CARS1: variants seen among roughly 807,000 people sequenced by gnomAD.
CARS1 encodes cysteinyl-tRNA synthetase 1, also known as cysteine--tRNA ligase, cytoplasmic.
A neutral mutation model predicts 106.2 loss-of-function variants in CARS1; 48 were observed. That is an observed-to-expected ratio of 0.45 (90% CI 0.36 to 0.57). The LOEUF (loss-of-function observed/expected upper bound fraction) is 0.57, where lower values mean the gene tolerates loss of function less well. CARS1 is among the 20% of genes least tolerant of loss of function. The pLI is 0.00. For synonymous variants in CARS1, 409 were observed against 403.4 expected (o/e 1.01, Z -0.17); for missense variants, 968 against 1,057.2 (o/e 0.92, Z 1.17).
At chr11:3,033,934 T>G (rs1853227682) in intron 7 of CARS1, among the ~76,000 whole-genome samples, 1 of 152,156 alleles carries the variant, frequency 6.6e-6, no homozygotes, top group Non-Finnish European at 1.5e-5. Flanking sequence ...TTTTATAAAT[T>G]TTTTAAATTT....
intron 18 of CARS1, chr11:3,007,727 C>T (rs2134096114): frequency 7.7e-6 from 1 of 129,982 alleles, no homozygotes; most frequent in Admixed American, 7.4e-5. Flanking sequence ...GCTTGGAAAC[C>T]CATGTGTCTG....
chr11:3,051,357 G>T (rs187503999), intron 1 of CARS1, among the ~76,000 whole-genome samples: 19 of 152,270 alleles, frequency 1.2e-4, no homozygotes, highest in Admixed American at 5.2e-4. Flanking sequence ...ACAGTTACAG[G>T]CCCAGTGTCA....
chr11:3,010,392 A>G (rs1156340104), intron 18 of CARS1, among the ~76,000 whole-genome samples: 1 of 152,252 alleles, frequency 6.6e-6, no homozygotes, highest in Non-Finnish European at 1.5e-5. Flanking sequence ...CCACGACCCC[A>G]GCGATGCCGC....
chr11:3,016,999 C>CA (rs767314060), intron 16 of CARS1, 107 bp downstream of exon 16: 55 of 880,930 alleles, frequency 6.2e-5, no homozygotes, highest in Non-Finnish European at 9.3e-5. Flanking sequence ...TGCTGGGCAC[C>CA]AGGCACAGCA....
chr11:3,048,140 C>G lies in CARS1; in HGVS notation c.26-139G>C. Reference sequence around the variant, plus strand: ...TTCCCTGGACGCCAAACATCCAGAACAGGCAAAGGCACAGGGGCAGCGCTT... The same window carrying G: ...TTCCCTGGACGCCAAACATCCAGAAGAGGCAAAGGCACAGGGGCAGCGCTT... On this transcript the variant is annotated intron_variant, in intron 1 of 22. Transcript: ENST00000380525. The surrounding 1 kb of genome is among the most constrained non-coding windows in gnomAD (Gnocchi z 5.1). The G allele has an allele frequency of 1.9e-6, 2 of 1,037,816 alleles. No individual in the cohort carries two copies. The highest frequency in any genetic ancestry group is 3.3e-5 in the South Asian group (2 of 60,224). 64.3% of individuals were successfully genotyped at this position (1,037,816 alleles called of 1,614,324 possible). A position where few individuals can be genotyped will look rare whatever the true frequency, so the allele number is the denominator to read the frequency against.
rs181831416 is a variant in CARS1, at chr11:3,045,558, C to G, written c.274+2195G>C. Among the ~76,000 whole-genome samples the G allele has an allele frequency of 3.0e-4, 45 of 152,320 alleles. No individual in the cohort carries two copies. Among genetic ancestry groups the G allele is most frequent in the African/African-American group, 1.0e-3 (43 of 41,570 alleles). ...GGATTACAGGAGTGAGCCACCGCGC[C>G]GGGCCAAGCAGAGTCTTTCCATGTC... On this transcript the variant is annotated intron_variant, in intron 2 of 22. Transcript: ENST00000380525. This position sits in a 1 kb window ranked among gnomAD's most constrained non-coding sequence, Gnocchi z 5.6.
rs1240556580 is a variant in CARS1 at position 3,043,545 on chromosome 11, G to T, written c.275-1289C>A. ...TGGCACCAGGAAGGCCTACGAGATG[G>T]ATACTCCTAGCACTGACCTGTGCCC... is the stretch of plus-strand genomic sequence containing the variant. On this transcript the variant is annotated intron_variant, in intron 2 of 22. Transcript: ENST00000380525. The surrounding 1 kb of genome is among the most constrained non-coding windows in gnomAD (Gnocchi z 4.0). 6.6e-6 allele frequency among the ~76,000 whole-genome samples: 1 copy of T among 151,134 alleles called. No homozygotes were observed. The highest frequency in any genetic ancestry group is 1.5e-5 in the Non-Finnish European group (1 of 67,776).
In CARS1 at chr11:3,046,060, C is replaced by T. The variant is rs754975750; in HGVS notation, c.274+1693G>A. 3.5e-4 allele frequency among the ~76,000 whole-genome samples: 53 copies of T among 152,182 alleles called. No individual in the cohort carries two copies. The highest frequency in any genetic ancestry group is 7.1e-4 in the Non-Finnish European group (48 of 68,034). On this transcript the variant is annotated intron_variant, in intron 2 of 22. Coordinates refer to ENST00000380525, the MANE Select transcript of CARS1 (RefSeq NM_001014437.3). The surrounding 1 kb of genome is among the most constrained non-coding windows in gnomAD (Gnocchi z 5.8). ...ACAAGCAGACCCTGGCAGCCTCTTG[C>T]GCAGCCTGGGTGATGAGGGGATTTG...
At chr11:3,015,442 A>C (rs781448681) in intron 17 of CARS1, among the ~76,000 whole-genome samples, 1 of 152,232 alleles carries the variant, frequency 6.6e-6, no homozygotes, top group African/African-American at 2.4e-5. Flanking sequence ...AGGTCAGTAT[A>C]TGTGACGAAG....
In CARS1 at chr11:3,039,819, T is replaced by G. The variant is rs1357421149; in HGVS notation, c.552+16A>C. The G allele has an allele frequency of 7.5e-7, 1 of 1,335,122 alleles. No homozygotes were observed. Among genetic ancestry groups the G allele is most frequent in the Non-Finnish European group, 1.0e-6 (1 of 957,096 alleles). The allele number at this position is 1,335,122 out of a possible 1,614,324, so 82.7% of individuals were successfully genotyped here. A position where few individuals can be genotyped will look rare whatever the true frequency, so the allele number is the denominator to read the frequency against. On this transcript the variant is annotated intron_variant, in intron 5 of 22. Coordinates refer to ENST00000380525, the MANE Select transcript of CARS1 (RefSeq NM_001014437.3). The surrounding 1 kb of genome is among the most constrained non-coding windows in gnomAD (Gnocchi z 5.6). The stretch of plus-strand genomic sequence containing the variant: ...TCCAATTGCATTTAAAATTTAATCT[T>G]ACAAATTCCCTTTACCTTGTCATCA...
rs1481840291 is a variant in CARS1, at chr11:3,019,031, T to G, written c.1395+108A>C. ...CCACCCACAAGCCCCGATGAAGGTG[T>G]CAAGTTCTAGTGAGAGAGGCCCTTC... is the stretch of plus-strand genomic sequence containing the variant. On this transcript the variant is annotated intron_variant, in intron 12 of 22. Coordinates refer to ENST00000380525, the MANE Select transcript of CARS1 (RefSeq NM_001014437.3). The surrounding 1 kb of genome is among the most constrained non-coding windows in gnomAD (Gnocchi z 6.2). The G allele has an allele frequency of 5.4e-6, 7 of 1,304,950 alleles. No homozygotes were observed. Among genetic ancestry groups the G allele is most frequent in the Non-Finnish European group, 7.3e-6 (7 of 954,678 alleles). The allele number at this position is 1,304,950 out of a possible 1,614,324, so 80.8% of individuals were successfully genotyped here.
At chr11:3,042,020 C>G in intron 3 of CARS1, 145 bp downstream of exon 3, 1 of 590,232 alleles carries the variant, frequency 1.7e-6, no homozygotes, top group African/African-American at 1.9e-5. Context: ...ATGGAAGTGA[C>G]TGAAGGATCT....
At position 3,041,612 on chromosome 11, in the gene CARS1, C is replaced by T. The variant is rs1377489594; in HGVS notation, c.366+553G>A. ...CCTGACTCTCTGTCTGCCAAACATG[C>T]TCCCTGATGGAAATCCAAGCAGCCC... On this transcript the variant is annotated intron_variant, in intron 3 of 22. Transcript: ENST00000380525. This position sits in a 1 kb window ranked among gnomAD's most constrained non-coding sequence, Gnocchi z 4.9. Among the ~76,000 whole-genome samples, 3 of 152,116 alleles carry T rather than the reference C, an allele frequency of 2.0e-5. No individual in the cohort carries two copies. Among genetic ancestry groups the T allele is most frequent in the African/African-American group, 7.2e-5 (3 of 41,418 alleles).
intron 2 of CARS1, 137 bp downstream of exon 2, chr11:3,047,616 C>G (rs1855232266): frequency 5.0e-6 from 6 of 1,194,514 alleles, no homozygotes; most frequent in Non-Finnish European, 7.1e-6. Context: ...CCCATCCAGG[C>G]CACTTGCTCG....
Position 3,037,587 on chromosome 11 carries a change from T to C in CARS1, c.801+463A>G, listed in dbSNP as rs1178773407. 6.6e-6 allele frequency among the ~76,000 whole-genome samples: 1 copy of C among 152,004 alleles called. No homozygotes were observed. The highest frequency in any genetic ancestry group is 1.5e-5 in the Non-Finnish European group (1 of 67,982). ...GTCTCTGCCCTGTGTCTGAAGGAGATATTGGCAGGGGCAGGAGAGCTGGTC... is the reference window on the plus strand; with the variant it reads ...GTCTCTGCCCTGTGTCTGAAGGAGACATTGGCAGGGGCAGGAGAGCTGGTC... On this transcript the variant is annotated intron_variant, in intron 7 of 22. Transcript: ENST00000380525. This position sits in a 1 kb window ranked among gnomAD's most constrained non-coding sequence, Gnocchi z 5.9.
intron 18 of CARS1, chr11:3,007,183 T>C (rs188165074): frequency 1.0e-4 from 59 of 582,968 alleles, no homozygotes; most frequent in African/African-American, 9.7e-4. Context: ...GAGACTAGTG[T>C]CTCCCGTAAG....
chr11:3,024,594 C>A (rs1301203858), intron 10 of CARS1, among the ~76,000 whole-genome samples: 1 of 151,978 alleles, frequency 6.6e-6, no homozygotes, highest in Non-Finnish European at 1.5e-5. Flanking sequence ...ACTATAGGCA[C>A]GTGCCACCAC....
chr11:3,052,482 C>T lies in CARS1; in HGVS notation c.26-4481G>A, dbSNP rs1261952041. On this transcript the variant is annotated intron_variant, in intron 1 of 22. Transcript: ENST00000380525. The surrounding 1 kb of genome is among the most constrained non-coding windows in gnomAD (Gnocchi z 4.6). Reference sequence around the variant, plus strand: ...TGGAGTTTTCCTAGGGCTCACACACCCATTTTTATTTAATTAATTTTATTA... The same window carrying T: ...TGGAGTTTTCCTAGGGCTCACACACTCATTTTTATTTAATTAATTTTATTA... 6.6e-6 allele frequency among the ~76,000 whole-genome samples: 1 copy of T among 152,180 alleles called. No homozygotes were observed. Among genetic ancestry groups the T allele is most frequent in the Admixed American group, 6.5e-5 (1 of 15,272 alleles).
intron 7 of CARS1, among the ~76,000 whole-genome samples, chr11:3,036,782 G>C (rs1459930355): frequency 6.6e-6 from 1 of 152,100 alleles, no homozygotes; most frequent in Non-Finnish European, 1.5e-5. Flanking sequence ...ACGTGTCCAC[G>C]GGCAGGTGAA....
Sources: gnomAD v4.1 joint callset for allele counts (sites outside exome capture counted in the v4.1 genomes callset) on GRCh38, gnomAD v4.1.1 for gene constraint, Gnocchi (gnomAD v3.1) non-coding constraint, MANE v1.5 for transcripts, NCBI Gene and HGNC (gene_info 2026-07-23, HGNC 2026-07-21) for gene names.